The following ASCC1 variants were observed in gnomAD, a reference collection of about 807,000 sequenced individuals.
ASCC1 encodes activating signal cointegrator 1 complex subunit 1.
Under a neutral mutation model 46.6 loss-of-function variants are expected in ASCC1, and 35 were observed. The ratio of observed to expected loss-of-function variants is 0.75; its 90% confidence interval spans 0.57 to 0.99. The LOEUF (loss-of-function observed/expected upper bound fraction) is 0.99, where lower values mean the gene tolerates loss of function less well. Among genes scored for constraint, ASCC1 ranks in the 50% least tolerant of loss-of-function variants. The probability of loss-of-function intolerance (pLI) is 0.00; values close to 1 mark genes in which losing one functional copy is unlikely to be tolerated. For synonymous variants in ASCC1, 143 were observed against 146.6 expected (o/e 0.98, Z 0.18); for missense variants, 376 against 428.7 (o/e 0.88, Z 1.09).
chr10:72,097,200 G>A lies in ASCC1; in HGVS notation c.*134C>T. The A allele has an allele frequency of 1.3e-6, 1 of 755,634 alleles. No homozygotes were observed. Among genetic ancestry groups the A allele is most frequent in the Non-Finnish European group, 2.4e-6 (1 of 408,968 alleles). 46.8% of individuals were successfully genotyped at this position (755,634 alleles called of 1,614,324 possible). On this transcript the variant is annotated 3_prime_UTR_variant, in exon 10 of 10. Transcript: ENST00000672957. The stretch of plus-strand genomic sequence containing the variant: ...GGGTGTAGACACCATTAGAGGCAAT[G>A]GTGAATCTATGGGGAACCACCCAGG...
At position 72,097,586 on chromosome 10, in the gene ASCC1, C is replaced by G. The variant is rs191027123; in HGVS notation, c.958-136G>C. 2.9e-3 allele frequency: 1,801 copies of G among 616,956 alleles called. 6 individuals carry two copies. The highest frequency in any genetic ancestry group is 3.7e-3 in the Non-Finnish European group (1,262 of 341,146). The allele number at this position is 616,956 out of a possible 1,614,324, so 38.2% of individuals were successfully genotyped here. On this transcript the variant is annotated intron_variant, in intron 9 of 9. Transcript: ENST00000672957. ...TCATGCTTTTTCTTTTCAGTGTTTA[C>G]TCTGAATAATGATCCAGGAGAGGAG...
At chr10:72,137,819 A>G (rs1264901484) in intron 7 of ASCC1, among the ~76,000 whole-genome samples, 1 of 152,208 alleles carries the variant, frequency 6.6e-6, no homozygotes, top group Non-Finnish European at 1.5e-5. Flanking sequence ...ACTGCTTTTA[A>G]AAGTTTCTGA....
At chr10:72,140,364 A>G (rs1846816561) in intron 7 of ASCC1, among the ~76,000 whole-genome samples, 1 of 152,208 alleles carries the variant, frequency 6.6e-6, no homozygotes, top group South Asian at 2.1e-4. Flanking sequence ...TGGGAGATAA[A>G]GCTGAAGTAT....
intron 7 of ASCC1, among the ~76,000 whole-genome samples, chr10:72,144,992 G>A (rs1039949175): frequency 3.9e-5 from 6 of 152,020 alleles, no homozygotes; most frequent in Non-Finnish European, 5.9e-5. Flanking sequence ...AATTCTCTCC[G>A]TTTTTGTTCA....
At chr10:72,102,800 C>A (rs1263853976) in intron 9 of ASCC1, 1 of 348,430 alleles carries the variant, frequency 2.9e-6, no homozygotes, top group African/African-American at 2.2e-5. Context: ...CATGGTGAAA[C>A]CCCATCTCTA....
Position 72,210,829 on chromosome 10 carries a change from A to G in ASCC1, c.115T>C (p.Ser39Pro), listed in dbSNP as rs1372208546. The change falls in exon 3 of 10, where the codon TCC (serine) becomes CCC (proline). Residue 39 changes from serine (S) to proline (P), a missense_variant and splice_region_variant. Ser to Pro is a moderately conservative substitution (Grantham distance 74, BLOSUM62 -1). Coordinates refer to ENST00000672957, the MANE Select transcript of ASCC1 (RefSeq NM_001198800.3). ...CAGGGCTCATCAGCACACTCCATGG[A>G]GCCTGCACAGAAACCATCACATCTC... ...EEDEEDFYQG[S>P]MECADEPCDA... 1 of 1,613,686 alleles carries G rather than the reference A, an allele frequency of 6.2e-7. No homozygotes were observed. The highest frequency in any genetic ancestry group is 1.7e-5 in the Admixed American group (1 of 59,946).
At chr10:72,116,440 T>C (rs1843501974) in intron 9 of ASCC1, among the ~76,000 whole-genome samples, 1 of 152,226 alleles carries the variant, frequency 6.6e-6, no homozygotes, top group South Asian at 2.1e-4. Flanking sequence ...AGTTCCTGTT[T>C]AAAATTCATT....
At chr10:72,162,311 C>G (rs1339824947) in intron 5 of ASCC1, among the ~76,000 whole-genome samples, 1 of 152,000 alleles carries the variant, frequency 6.6e-6, no homozygotes, top group Non-Finnish European at 1.5e-5. Context: ...GCTGGGACTA[C>G]AGGCGCCCGC....
chr10:72,169,725 T>C (rs762123000), intron 5 of ASCC1, among the ~76,000 whole-genome samples: 3 of 152,020 alleles, frequency 2.0e-5, no homozygotes, highest in African/African-American at 7.3e-5. Flanking sequence ...TAAACAAGTA[T>C]GGAAAAGGGA....
At chr10:72,123,693 T>C (rs1175964239) in intron 9 of ASCC1, among the ~76,000 whole-genome samples, 5 of 152,220 alleles carry the variant, frequency 3.3e-5, no homozygotes, top group African/African-American at 1.2e-4. Context: ...ATTTATCTTT[T>C]CAACACTCTT....
In ASCC1 at chr10:72,137,529, A is replaced by G. The variant is rs1282013543; in HGVS notation, c.747-4348T>C. 2.0e-5 allele frequency among the ~76,000 whole-genome samples: 3 copies of G among 147,566 alleles called. No individual in the cohort carries two copies. The East Asian group carries it at 6.0e-4, about 29-fold the overall frequency. On this transcript the variant is annotated intron_variant, in intron 7 of 9. Coordinates refer to ENST00000672957, the MANE Select transcript of ASCC1 (RefSeq NM_001198800.3). Reference sequence around the variant, plus strand: ...GGTGACAGGGCAAGACTCCATCTCAAAAAAAAAAAAAAAAAAAGGAAAAAA... The same window carrying G: ...GGTGACAGGGCAAGACTCCATCTCAGAAAAAAAAAAAAAAAAAGGAAAAAA...
In ASCC1 at chr10:72,096,460, C is replaced by T. The variant is rs1297261460; in HGVS notation, c.*874G>A. Reference sequence around the variant, plus strand: ...TGAGGGTGGGGATGGGGTGAAGGAACAGGAATCCAACAAATATTAAGAGGA... The same window carrying T: ...TGAGGGTGGGGATGGGGTGAAGGAATAGGAATCCAACAAATATTAAGAGGA... On this transcript the variant is annotated 3_prime_UTR_variant, in exon 10 of 10. Coordinates refer to ENST00000672957, the MANE Select transcript of ASCC1 (RefSeq NM_001198800.3). 1 of 454,096 alleles carries T rather than the reference C, an allele frequency of 2.2e-6. No individual in the cohort carries two copies. Among genetic ancestry groups the T allele is most frequent in the Non-Finnish European group, 4.4e-6 (1 of 226,784 alleles). 28.1% of individuals were successfully genotyped at this position (454,096 alleles called of 1,614,324 possible).
chr10:72,112,957 C>T (rs1843094557), intron 9 of ASCC1, among the ~76,000 whole-genome samples: 1 of 150,042 alleles, frequency 6.7e-6, no homozygotes, highest in South Asian at 2.1e-4. Context: ...GAACTACATC[C>T]AAAATAATAT....
Position 72,137,568 on chromosome 10 carries a change from G to T in ASCC1, c.747-4387C>A, listed in dbSNP as rs113858897. 8.5e-4 allele frequency among the ~76,000 whole-genome samples: 121 copies of T among 142,544 alleles called. 1 individual carries two copies. The highest frequency in any genetic ancestry group is 3.0e-3 in the African/African-American group (117 of 38,758). The allele number at this position is 142,544 out of a possible 152,430, so 93.5% of individuals were successfully genotyped here. A position where few individuals can be genotyped will look rare whatever the true frequency, so the allele number is the denominator to read the frequency against. On this transcript the variant is annotated intron_variant, in intron 7 of 9. Transcript: ENST00000672957. ...AAAAGGAAAAAACATAAGGAAAAAC[G>T]AAAAACAACTAAAAGCACGGAAACC... is the stretch of plus-strand genomic sequence containing the variant.
chr10:72,172,881 A>G (rs1484726061), intron 5 of ASCC1, among the ~76,000 whole-genome samples: 1 of 132,306 alleles, frequency 7.6e-6, no homozygotes, highest in African/African-American at 2.8e-5. Flanking sequence ...TATATATTAT[A>G]TTTTTATATT....
rs375287948 is a variant in ASCC1 at position 72,108,076 on chromosome 10, CTTTTTTTTTTTTTT to C, written c.958-10640_958-10627del. ...ATACTTTCTTTTTCTTTTTCTTTTTCTTTTTTTTTTTTTTTTTTGAAACAAGGTCTTACTCTGTC... is the reference window on the plus strand; with the variant it reads ...ATACTTTCTTTTTCTTTTTCTTTTTCTTTTGAAACAAGGTCTTACTCTGTC... On this transcript the variant is annotated intron_variant, in intron 9 of 9. Transcript: ENST00000672957. Among the ~76,000 whole-genome samples the C allele has an allele frequency of 5.5e-4, 71 of 128,366 alleles. 1 individual carries two copies. Among genetic ancestry groups the C allele is most frequent in the African/African-American group, 1.9e-3 (66 of 34,330 alleles). 84.2% of individuals were successfully genotyped at this position (128,366 alleles called of 152,430 possible). A position where few individuals can be genotyped will look rare whatever the true frequency, so the allele number is the denominator to read the frequency against.
chr10:72,136,725 G>A (rs954035929), intron 7 of ASCC1, among the ~76,000 whole-genome samples: 6 of 152,138 alleles, frequency 3.9e-5, no homozygotes, highest in Admixed American at 2.0e-4. Context: ...CTTTGGGTCC[G>A]CACTACCTTT....
At chr10:72,151,595 A>T (rs1589363993) in intron 7 of ASCC1, among the ~76,000 whole-genome samples, 1 of 152,046 alleles carries the variant, frequency 6.6e-6, no homozygotes, top group Non-Finnish European at 1.5e-5. Flanking sequence ...AAAGTATAAT[A>T]AAAAAAAGAG....
chr10:72,149,412 TG>T (rs2132515156), intron 7 of ASCC1, among the ~76,000 whole-genome samples: 1 of 118,738 alleles, frequency 8.4e-6, no homozygotes, highest in Admixed American at 1.3e-4. Context: ...CACTCCCGCC[TG>T]GGCGACAGAG....
Sources: gnomAD v4.1 joint callset for allele counts (sites outside exome capture counted in the v4.1 genomes callset) on GRCh38, gnomAD v4.1.1 for gene constraint, MANE v1.5 for transcripts, NCBI Gene and HGNC (gene_info 2026-07-23, HGNC 2026-07-21) for gene names.